The following FOXN2 variants were observed in gnomAD, a reference collection of about 807,000 sequenced individuals.
The protein encoded by FOXN2 is forkhead box N2, also known as forkhead box protein N2.
In FOXN2, 19 loss-of-function variants were observed where a neutral mutation model predicts 41.2. The observed-to-expected ratio is 0.46, with a 90% CI of 0.32 to 0.68. The LOEUF (loss-of-function observed/expected upper bound fraction) is 0.68, where lower values mean the gene tolerates loss of function less well. Among genes scored for constraint, FOXN2 ranks in the 30% least tolerant of loss-of-function variants. The pLI, the probability that FOXN2 is intolerant of heterozygous loss-of-function variation, is 0.03. For missense variants in FOXN2, 587 were observed against 509.4 expected, an observed-to-expected ratio of 1.15 and a Z score of -1.47; for synonymous variants, 195 against 176.8, an observed-to-expected ratio of 1.10 and a Z score of -0.82.
chr2:48,318,051 C>T (rs1256833373), intron 1 of FOXN2, among the ~76,000 whole-genome samples: 2 of 151,938 alleles, frequency 1.3e-5, no homozygotes, highest in African/African-American at 4.8e-5. Flanking sequence ...TTTCCCTTAC[C>T]CTAACTTTTC....
At chr2:48,337,489 A>G (rs1670445034) in intron 2 of FOXN2, among the ~76,000 whole-genome samples, 1 of 151,680 alleles carries the variant, frequency 6.6e-6, no homozygotes. Flanking sequence ...TTTTTTTGGT[A>G]CAGATGGGGT....
At chr2:48,354,594 G>A (rs1157101747) in intron 3 of FOXN2, among the ~76,000 whole-genome samples, 6 of 152,198 alleles carry the variant, frequency 3.9e-5, no homozygotes, top group South Asian at 2.1e-4. Flanking sequence ...GCGAGACTTC[G>A]TCTCAAAAAC....
At position 48,376,470 on chromosome 2, in the gene FOXN2, A is replaced by C. The variant is rs1233863722; in HGVS notation, c.*1027A>C. The C allele has an allele frequency of 1.3e-5, 2 of 152,518 alleles. No individual in the cohort carries two copies. The highest frequency in any genetic ancestry group is 2.4e-5 in the African/African-American group (1 of 41,456). 9.4% of individuals were successfully genotyped at this position (152,518 alleles called of 1,614,324 possible). A position where few individuals can be genotyped will look rare whatever the true frequency, so the allele number is the denominator to read the frequency against. On this transcript the variant is annotated 3_prime_UTR_variant, in exon 7 of 7. Transcript: ENST00000340553. The stretch of plus-strand genomic sequence containing the variant: ...AAGCTTTGTATGAATTAAATTCATA[A>C]GTATACCAAATTAAATCTTAATAGA...
intron 3 of FOXN2, among the ~76,000 whole-genome samples, chr2:48,353,710 T>G (rs887326923): frequency 6.6e-6 from 1 of 152,096 alleles, no homozygotes; most frequent in Non-Finnish European, 1.5e-5. Flanking sequence ...GGATGAACAT[T>G]TGGGTTTCTA....
At chr2:48,358,361 A>AGT (rs1201816627) in intron 3 of FOXN2, among the ~76,000 whole-genome samples, 1 of 152,152 alleles carries the variant, frequency 6.6e-6, no homozygotes, top group Non-Finnish European at 1.5e-5. Flanking sequence ...AATTCAGTGA[A>AGT]GTGGCCTGCA....
At chr2:48,357,212 G>C (rs1465879673) in intron 3 of FOXN2, among the ~76,000 whole-genome samples, 3 of 152,106 alleles carry the variant, frequency 2.0e-5, no homozygotes, top group African/African-American at 7.2e-5. Flanking sequence ...TAACTGCCCT[G>C]AAACTGCACG....
In FOXN2 at chr2:48,359,111, T is replaced by C; in HGVS notation, c.602T>C (p.Leu201Pro). 1 of 1,613,796 alleles carries C rather than the reference T, an allele frequency of 6.2e-7. No homozygotes were observed. The highest frequency in any genetic ancestry group is 2.2e-5 in the East Asian group (1 of 44,798). Reference sequence around the variant, plus strand: ...TATAAACCCAATCTTATCCAGGCACTGAAGAAGCAACCTTTTTCTTCAGCA... The same window carrying C: ...TATAAACCCAATCTTATCCAGGCACCGAAGAAGCAACCTTTTTCTTCAGCA... Reference protein sequence around the residue: ...PEYKPNLIQALKKQPFSSASS... With the variant: ...PEYKPNLIQAPKKQPFSSASS... The change falls in exon 4 of 7, where the codon CTG (leucine) becomes CCG (proline). Residue 201 changes from leucine (L) to proline (P), a missense_variant. Coordinates refer to ENST00000340553, the MANE Select transcript of FOXN2 (RefSeq NM_002158.4).
At chr2:48,342,997 A>G (rs79108185) in intron 2 of FOXN2, among the ~76,000 whole-genome samples, 1 of 152,222 alleles carries the variant, frequency 6.6e-6, no homozygotes, top group Non-Finnish European at 1.5e-5. Flanking sequence ...CATTTAAATT[A>G]CTTATGAGAA....
At chr2:48,327,734 C>T (rs998067341) in intron 1 of FOXN2, among the ~76,000 whole-genome samples, 3 of 152,096 alleles carry the variant, frequency 2.0e-5, no homozygotes, top group African/African-American at 4.8e-5. Flanking sequence ...TGTGAGCCAA[C>T]GTGTCCAGCT....
At chr2:48,349,856 C>T (rs972706585) in intron 3 of FOXN2, among the ~76,000 whole-genome samples, 4 of 152,258 alleles carry the variant, frequency 2.6e-5, no homozygotes, top group South Asian at 2.1e-4. Context: ...AAATGGCAGT[C>T]GTAAAAGAAT....
chr2:48,370,108 C>A (rs930525546), intron 5 of FOXN2, among the ~76,000 whole-genome samples: 7 of 152,160 alleles, frequency 4.6e-5, no homozygotes, highest in Admixed American at 4.6e-4. Flanking sequence ...GCAAGTCCAC[C>A]TGGCTTAAGG....
At chr2:48,354,167 T>C (rs954403346) in intron 3 of FOXN2, among the ~76,000 whole-genome samples, 1 of 152,168 alleles carries the variant, frequency 6.6e-6, no homozygotes, top group East Asian at 1.9e-4. Flanking sequence ...AGGAAAAGTA[T>C]GGTGTAATGA....
chr2:48,360,607 C>T (rs773635739), intron 4 of FOXN2, among the ~76,000 whole-genome samples: 2 of 152,040 alleles, frequency 1.3e-5, no homozygotes, highest in African/African-American at 2.4e-5. Context: ...AAAAGAATAA[C>T]TGAGTGGTTT....
chr2:48,367,544 A>G (rs1672611741), intron 5 of FOXN2, among the ~76,000 whole-genome samples: 1 of 152,212 alleles, frequency 6.6e-6, no homozygotes, highest in Non-Finnish European at 1.5e-5. Flanking sequence ...ATTACAAGAG[A>G]CAGCTTCTCC....
At chr2:48,338,398 A>AAAT (rs1553410756) in intron 2 of FOXN2, among the ~76,000 whole-genome samples, 1 of 148,242 alleles carries the variant, frequency 6.7e-6, no homozygotes, top group Non-Finnish European at 1.5e-5. Context: ...GAAGGATGCC[A>AAAT]TTTTTTTTTT....
Position 48,346,633 on chromosome 2 carries a change from G to T in FOXN2, c.419G>T (p.Ser140Ile). 6.2e-7 allele frequency: 1 copy of T among 1,614,142 alleles called. No individual in the cohort carries two copies. Among genetic ancestry groups the T allele is most frequent in the East Asian group, 2.2e-5 (1 of 44,894 alleles). Residue 140 changes from serine to isoleucine, a missense_variant, in exon 3 of 7, where the codon AGC becomes ATC. Transcript: ENST00000340553. Reference sequence around the variant, plus strand: ...TGTTTGCCTGTCAAAGAAATTTATAGCTGGATTCTGGACCATTTTCCATAT... The same window carrying T: ...TGTTTGCCTGTCAAAGAAATTTATATCTGGATTCTGGACCATTTTCCATAT... ...NKCLPVKEIY[S>I]WILDHFPYFA...
rs774567663 is a variant in FOXN2 at position 48,346,742 on chromosome 2, C to G, written c.528C>G (p.Ser176Arg). Residue 176 changes from serine to arginine, a missense_variant, in exon 3 of 7, where the codon AGC becomes AGG. Transcript: ENST00000340553. Reference protein sequence around the residue: ...LNKCFQKVERSHGKVNGKGSL... With the variant: ...LNKCFQKVERRHGKVNGKGSL... ...AATGTTTTCAGAAAGTGGAAAGAAG[C>G]CATGGCAAGGTCAGTGTTTATGAAC... 1 of 1,585,344 alleles carries G rather than the reference C, an allele frequency of 6.3e-7. No homozygotes were observed. The highest frequency in any genetic ancestry group is 2.2e-5 in the East Asian group (1 of 44,798).
intron 1 of FOXN2, among the ~76,000 whole-genome samples, chr2:48,317,888 G>A (rs3207914): frequency 2.0e-5 from 3 of 151,538 alleles, no homozygotes; most frequent in Non-Finnish European, 4.4e-5. Context: ...ATTACAGGCG[G>A]GAACCACCAC....
intron 1 of FOXN2, among the ~76,000 whole-genome samples, chr2:48,319,863 C>T (rs1272458431): frequency 6.4e-5 from 9 of 140,410 alleles, no homozygotes; most frequent in Non-Finnish European, 9.0e-5. Flanking sequence ...AACTCCTGGG[C>T]TCAAGGGATC....
Sources: allele counts gnomAD v4.1 joint callset (sites outside exome capture counted in the v4.1 genomes callset), GRCh38; gene constraint gnomAD v4.1.1; transcripts MANE v1.5; gene names NCBI Gene and HGNC (gene_info 2026-07-23, HGNC 2026-07-21).